Variants in TENM2 observed in about 807,000 individuals in gnomAD.
The protein encoded by TENM2 is teneurin-2.
In TENM2, 52 loss-of-function variants were observed where a neutral mutation model predicts 245.2. That is an observed-to-expected ratio of 0.21 (90% CI 0.17 to 0.27). The LOEUF (loss-of-function observed/expected upper bound fraction) is 0.27. TENM2 is among the 10% of genes least tolerant of loss of function. The probability of loss-of-function intolerance (pLI) is 1.00; values close to 1 mark genes in which losing one functional copy is unlikely to be tolerated. For missense variants in TENM2, 3,046 were observed against 3,666.8 expected, an observed-to-expected ratio of 0.83 and a Z score of 4.37; for synonymous variants, 1,363 against 1,438.9, an observed-to-expected ratio of 0.95 and a Z score of 1.19.
chr5:168,245,119 A>G (rs1766434609), intron 26 of TENM2, among the ~76,000 whole-genome samples: 1 of 150,706 alleles, frequency 6.6e-6, no homozygotes, highest in South Asian at 2.1e-4. Context: ...GAGACATCTT[A>G]ACATCTTTAC....
chr5:167,499,922 GTGTGTA>G (rs1769072570), intron 2 of TENM2, among the ~76,000 whole-genome samples: 1 of 150,820 alleles, frequency 6.6e-6, no homozygotes, highest in Non-Finnish European at 1.5e-5. Context: ...ATATGTGTGT[GTGTGTA>G]TGTGTATGTG....
intron 2 of TENM2, among the ~76,000 whole-genome samples, chr5:167,816,184 T>C (rs966154840): frequency 6.6e-5 from 10 of 152,236 alleles, no homozygotes; most frequent in East Asian, 3.9e-4. Context: ...AGAAGACACC[T>C]GTTTCCGGAA....
chr5:167,293,020 C>CAG (rs1754728144), intron 1 of TENM2, among the ~76,000 whole-genome samples: 1 of 152,108 alleles, frequency 6.6e-6, no homozygotes, highest in African/African-American at 2.4e-5. Context: ...GCTAGAGTGG[C>CAG]AGAGAGAGAC....
intron 25 of TENM2, among the ~76,000 whole-genome samples, chr5:168,234,047 CTCTT>C (rs991611995): frequency 6.6e-6 from 1 of 152,094 alleles, no homozygotes; most frequent in Non-Finnish European, 1.5e-5. Context: ...ATGGACGTCT[CTCTT>C]TCTGTTTCTC....
At chr5:167,860,841 G>A (rs903863275) in intron 2 of TENM2, among the ~76,000 whole-genome samples, 2 of 99,522 alleles carry the variant, frequency 2.0e-5, no homozygotes, top group African/African-American at 8.1e-5. Context: ...ATGCTTGAAG[G>A]CAGCATGCTC....
intron 3 of TENM2, among the ~76,000 whole-genome samples, chr5:167,896,173 C>A (rs562911188): frequency 1.3e-5 from 2 of 152,352 alleles, no homozygotes; most frequent in Admixed American, 6.5e-5. Context: ...AGCCTTCCCA[C>A]AGAGATGGCA....
At chr5:167,774,741 T>C (rs2150787556) in intron 2 of TENM2, among the ~76,000 whole-genome samples, 1 of 152,292 alleles carries the variant, frequency 6.6e-6, no homozygotes, top group South Asian at 2.1e-4. Flanking sequence ...GCCATACCAG[T>C]GGATTCTGTG....
At chr5:167,454,935 C>G (rs560834020) in intron 2 of TENM2, among the ~76,000 whole-genome samples, 1 of 152,246 alleles carries the variant, frequency 6.6e-6, no homozygotes, top group East Asian at 1.9e-4. Flanking sequence ...GATGCTTCTT[C>G]AAGGGGAAGT....
intron 25 of TENM2, among the ~76,000 whole-genome samples, chr5:168,238,263 A>AGAAAAGAAAAGAAAAGAAAGGAAAG (rs1562321231): frequency 7.2e-6 from 1 of 139,100 alleles, no homozygotes; most frequent in East Asian, 2.1e-4. Flanking sequence ...AGAAAAGAAA[A>AGAAAAGAAAAGAAAAGAAAGGAAAG]GAAAAGAAAA....
intron 1 of TENM2, among the ~76,000 whole-genome samples, chr5:167,366,055 C>T (rs1198380172): frequency 6.6e-6 from 1 of 151,596 alleles, no homozygotes; most frequent in Non-Finnish European, 1.5e-5. Flanking sequence ...TAAAAACATA[C>T]ACAGACAGTA....
chr5:167,973,967 T>C lies in TENM2; in HGVS notation c.948-18977T>C, dbSNP rs75858621. On this transcript the variant is annotated intron_variant, in intron 4 of 28. Coordinates refer to ENST00000518659, the Ensembl canonical transcript of TENM2. ...GAGGAAACTAAAAGTACATTGAAGT[T>C]AACCAGTGCCTCTGATGGAAGAAGG... Among the ~76,000 whole-genome samples, 1,007 of 137,244 alleles carry C rather than the reference T, an allele frequency of 7.3e-3. 34 individuals carry two copies. Among genetic ancestry groups the C allele is most frequent in the African/African-American group, 0.026 (943 of 36,532 alleles). The allele number at this position is 137,244 out of a possible 152,430, so 90.0% of individuals were successfully genotyped here. A position where few individuals can be genotyped will look rare whatever the true frequency, so the allele number is the denominator to read the frequency against.
At position 168,247,297 on chromosome 5, in the gene TENM2, G is replaced by A; in HGVS notation, c.6358G>A (p.Asp2120Asn). The change falls in exon 27 of 29, where the codon GAT (aspartate) becomes AAT (asparagine). Residue 2120 changes from aspartate (D) to asparagine (N), a missense_variant. Asp to Asn is a conservative substitution (Grantham distance 23). Coordinates refer to ENST00000518659, the Ensembl canonical transcript of TENM2. This position sits in a 1 kb window ranked among gnomAD's most constrained non-coding sequence, Gnocchi z 7.8. ...CCTCCCCGTTGACCTCTACCGCTAT[G>A]ATGAGATTTCTGGCAAGGTGGAACA... The A allele has an allele frequency of 6.2e-7, 1 of 1,614,034 alleles. No individual in the cohort carries two copies. The highest frequency in any genetic ancestry group is 8.5e-7 in the Non-Finnish European group (1 of 1,179,912).
chr5:166,991,219 C>G, the TENM2 span, among the ~76,000 whole-genome samples: 1 of 122,466 alleles, frequency 8.2e-6, no homozygotes, highest in Non-Finnish European at 1.8e-5. Flanking sequence ...TCTTCATGTT[C>G]TTGATTCTGT....
intron 9 of TENM2, among the ~76,000 whole-genome samples, chr5:168,109,413 G>A (rs951138791): frequency 1.9e-4 from 29 of 152,212 alleles, no homozygotes; most frequent in African/African-American, 6.5e-4. Context: ...TGTGTCATAC[G>A]TCATGATCGT....
At chr5:167,534,040 G>T (rs1004525082) in intron 2 of TENM2, among the ~76,000 whole-genome samples, 12 of 152,160 alleles carry the variant, frequency 7.9e-5, no homozygotes, top group African/African-American at 2.9e-4. Flanking sequence ...CCATAAGGAA[G>T]GACACATCTG....
intron 2 of TENM2, among the ~76,000 whole-genome samples, chr5:167,422,449 A>C (rs1219036962): frequency 6.6e-6 from 1 of 152,190 alleles, no homozygotes; most frequent in African/African-American, 2.4e-5. Context: ...ATAGGTGAAA[A>C]GATATATACC....
intron 1 of TENM2, among the ~76,000 whole-genome samples, chr5:167,333,715 G>A (rs1561870103): frequency 6.6e-6 from 1 of 152,126 alleles, no homozygotes; most frequent in Non-Finnish European, 1.5e-5. Flanking sequence ...GGGGAAGGAT[G>A]GGGATCAATC....
At chr5:167,468,698 T>C (rs890574455) in intron 2 of TENM2, among the ~76,000 whole-genome samples, 2 of 152,222 alleles carry the variant, frequency 1.3e-5, no homozygotes, top group African/African-American at 4.8e-5. Flanking sequence ...AATACCAATA[T>C]GTACTTCTCT....
chr5:167,269,313 G>T, the TENM2 span, among the ~76,000 whole-genome samples: 1 of 151,954 alleles, frequency 6.6e-6, no homozygotes, highest in African/African-American at 2.4e-5. Flanking sequence ...AAGCTTTATT[G>T]GGCGCTCTTT....
Sources: gnomAD v4.1 joint callset for allele counts (sites outside exome capture counted in the v4.1 genomes callset) on GRCh38, gnomAD v4.1.1 for gene constraint, Gnocchi (gnomAD v3.1) non-coding constraint, MANE v1.5 for transcripts, NCBI Gene and HGNC (gene_info 2026-07-23, HGNC 2026-07-21) for gene names.